Variants in TCF12 observed in about 807,000 individuals in gnomAD.
The protein encoded by TCF12 is DNA-binding protein HTF4.
A neutral mutation model predicts 86.0 loss-of-function variants in TCF12; 45 were observed. The ratio of observed to expected loss-of-function variants is 0.52; its 90% confidence interval spans 0.41 to 0.67. The LOEUF (loss-of-function observed/expected upper bound fraction) is 0.67. TCF12 is among the 30% of genes least tolerant of loss of function. The pLI, the probability that TCF12 is intolerant of heterozygous loss-of-function variation, is 0.00. For missense variants in TCF12, 881 were observed against 859.9 expected, an observed-to-expected ratio of 1.02 and a Z score of -0.31; for synonymous variants, 330 against 299.6, an observed-to-expected ratio of 1.10 and a Z score of -1.05.
chr15:57,256,930 TC>T (rs1345712355), intron 16 of TCF12, among the ~76,000 whole-genome samples: 1 of 152,224 alleles, frequency 6.6e-6, no homozygotes, highest in Non-Finnish European at 1.5e-5. Context: ...ATATCACTCT[TC>T]CTCCTAGCAT....
At chr15:57,164,846 A>G (rs969698732) in intron 5 of TCF12, among the ~76,000 whole-genome samples, 16 of 151,942 alleles carry the variant, frequency 1.1e-4, no homozygotes, top group Non-Finnish European at 1.8e-4. Flanking sequence ...ACACTTGGCT[A>G]ATTTTTGTAT....
intron 3 of TCF12, among the ~76,000 whole-genome samples, chr15:57,014,819 G>T (rs1372919550): frequency 6.6e-6 from 1 of 151,556 alleles, no homozygotes; most frequent in African/African-American, 2.4e-5. Context: ...GGTCCTTATG[G>T]GTCAAGATAT....
At chr15:56,918,180 C>G (rs1297560101), upstream of TCF12, 5 of 455,968 alleles carry the variant, frequency 1.1e-5, no homozygotes, top group African/African-American at 4.0e-5. Context: ...CTGGGCCCAG[C>G]TTAGGGTGGC....
chr15:57,097,685 T>G (rs2049424639), intron 5 of TCF12, among the ~76,000 whole-genome samples: 1 of 152,162 alleles, frequency 6.6e-6, no homozygotes, highest in Non-Finnish European at 1.5e-5. Context: ...TTCCAGTGTT[T>G]TAATAACCCT....
At chr15:57,133,237 T>A (rs2052274210) in intron 5 of TCF12, among the ~76,000 whole-genome samples, 1 of 152,252 alleles carries the variant, frequency 6.6e-6, no homozygotes, top group South Asian at 2.1e-4. Flanking sequence ...CATCTTCAAA[T>A]AGGAAGAAGT....
chr15:56,967,187 T>C (rs991618570), intron 3 of TCF12, among the ~76,000 whole-genome samples: 21 of 152,052 alleles, frequency 1.4e-4, no homozygotes, highest in African/African-American at 4.8e-4. Context: ...TAATTATTGA[T>C]GGTGATTAGA....
intron 5 of TCF12, among the ~76,000 whole-genome samples, chr15:57,111,634 C>G (rs1464494043): frequency 6.7e-6 from 1 of 148,750 alleles, no homozygotes; most frequent in Non-Finnish European, 1.5e-5. Context: ...CTCTGTCTCC[C>G]AGGCTACAGT....
intron 13 of TCF12, among the ~76,000 whole-genome samples, chr15:57,249,414 T>TA (rs5812876): frequency 0.4 from 59,293 of 149,526 alleles, 14,503 homozygotes; most frequent in Non-Finnish European, 0.55. Flanking sequence ...TGCTCATAAG[T>TA]AAAAAAAAAA....
At chr15:57,117,808 T>C (rs1411378411) in intron 5 of TCF12, among the ~76,000 whole-genome samples, 1 of 152,208 alleles carries the variant, frequency 6.6e-6, no homozygotes, top group Admixed American at 6.5e-5. Flanking sequence ...ATTAAAATAC[T>C]TGTATAATTT....
intron 3 of TCF12, among the ~76,000 whole-genome samples, chr15:56,992,396 C>CTT (rs1250999531): frequency 6.6e-6 from 1 of 152,158 alleles, no homozygotes; most frequent in East Asian, 1.9e-4. Context: ...AATTTTACAG[C>CTT]TTTTGTTTCT....
At chr15:56,949,929 C>A (rs2061188364) in intron 3 of TCF12, among the ~76,000 whole-genome samples, 1 of 152,284 alleles carries the variant, frequency 6.6e-6, no homozygotes, top group South Asian at 2.1e-4. Flanking sequence ...GGGAAAGGCT[C>A]TAGATTTACT....
intron 19 of TCF12, among the ~76,000 whole-genome samples, chr15:57,278,140 T>C (rs1391700506): frequency 6.6e-6 from 1 of 152,044 alleles, no homozygotes; most frequent in East Asian, 1.9e-4. Context: ...CTCGTGTATA[T>C]TTTTTCAGAA....
At chr15:56,999,562 GTA>G (rs2063903391) in intron 3 of TCF12, among the ~76,000 whole-genome samples, 1 of 152,104 alleles carries the variant, frequency 6.6e-6, no homozygotes, top group Admixed American at 6.5e-5. Flanking sequence ...AGATGATCTT[GTA>G]TAGTCTTTTA....
At chr15:57,181,539 A>G (rs2151645090) in intron 6 of TCF12, among the ~76,000 whole-genome samples, 1 of 130,196 alleles carries the variant, frequency 7.7e-6, no homozygotes, top group Middle Eastern at 3.8e-3. Flanking sequence ...TATAATTAAC[A>G]AGAGTTCCCA....
At chr15:57,147,882 C>CTTT (rs75528355) in intron 5 of TCF12, among the ~76,000 whole-genome samples, 8 of 137,968 alleles carry the variant, frequency 5.8e-5, no homozygotes, top group Admixed American at 2.2e-4. Context: ...GGAAACTAGA[C>CTTT]TTTTTTTTTT....
chr15:56,923,675 A>G (rs1049651508), intron 3 of TCF12, among the ~76,000 whole-genome samples: 6 of 152,176 alleles, frequency 3.9e-5, no homozygotes, highest in Admixed American at 3.9e-4. Flanking sequence ...CCATGTCCTC[A>G]ACTTCGGGGT....
In TCF12 at chr15:57,191,774, C is replaced by T. The variant is rs549182554; in HGVS notation, c.391-384C>T. 2.7e-4 allele frequency among the ~76,000 whole-genome samples: 41 copies of T among 152,080 alleles called. 1 individual carries two copies. In the South Asian group the frequency reaches 8.3e-3, roughly 31 times the overall value. ...CCCACATGGTGAAACCCCGTCTCTA[C>T]TAAACATACAAAAATTAGGCATGGT... On this transcript the variant is annotated intron_variant, in intron 6 of 20. Transcript: ENST00000333725.
At chr15:57,226,298 A>C (rs750755878) in intron 8 of TCF12, among the ~76,000 whole-genome samples, 10 of 151,742 alleles carry the variant, frequency 6.6e-5, no homozygotes, top group African/African-American at 2.4e-4. Flanking sequence ...ATAAGATACC[A>C]GATAAAGTGG....
At chr15:57,153,356 C>G (rs2053896882) in intron 5 of TCF12, among the ~76,000 whole-genome samples, 1 of 152,150 alleles carries the variant, frequency 6.6e-6, no homozygotes, top group South Asian at 2.1e-4. Flanking sequence ...CAACTATGAA[C>G]AGTACATAAA....
Sources: gnomAD v4.1 joint callset for allele counts (sites outside exome capture counted in the v4.1 genomes callset) on GRCh38, gnomAD v4.1.1 for gene constraint, MANE v1.5 for transcripts, NCBI Gene and HGNC (gene_info 2026-07-23, HGNC 2026-07-21) for gene names.